The following BTBD7 variants were observed in gnomAD, a reference collection of about 807,000 sequenced individuals.
BTBD7 encodes the protein BTB/POZ domain-containing protein 7.
BTBD7 carries 38 observed loss-of-function variants against 99.9 expected under a neutral mutation model. The observed-to-expected ratio is 0.38, with a 90% CI of 0.29 to 0.50. BTBD7 has a LOEUF of 0.50. Among genes scored for constraint, BTBD7 ranks in the 20% least tolerant of loss-of-function variants. BTBD7 has a pLI of 0.93. For missense variants in BTBD7, 1,170 were observed against 1,394.6 expected, an observed-to-expected ratio of 0.84 and a Z score of 2.57; for synonymous variants, 520 against 511.4, an observed-to-expected ratio of 1.02 and a Z score of -0.23.
chr14:93,249,293 CTG>C (rs1244544759), intron 8 of BTBD7, among the ~76,000 whole-genome samples: 1 of 77,884 alleles, frequency 1.3e-5, no homozygotes, highest in East Asian at 3.5e-4. Flanking sequence ...AAAAAAAAAG[CTG>C]TCTCAGCAGA....
chr14:93,317,456 A>C (rs2053220896), intron 1 of BTBD7, among the ~76,000 whole-genome samples: 1 of 151,472 alleles, frequency 6.6e-6, no homozygotes, highest in Non-Finnish European at 1.5e-5. Context: ...GCACTACAGC[A>C]CTCAGCCTCC....
chr14:93,302,011 G>C (rs2053010955), intron 1 of BTBD7, among the ~76,000 whole-genome samples: 1 of 152,212 alleles, frequency 6.6e-6, no homozygotes, highest in South Asian at 2.1e-4. Flanking sequence ...GCTGGGCAAA[G>C]CATGTGAGGG....
chr14:93,257,734 T>C (rs575176641), intron 5 of BTBD7, among the ~76,000 whole-genome samples: 18 of 152,258 alleles, frequency 1.2e-4, no homozygotes, highest in Non-Finnish European at 2.1e-4. Context: ...TTGTAGAGCA[T>C]ATGCCATTTC....
In BTBD7 at chr14:93,293,927, T is replaced by C; in HGVS notation, c.1093A>G (p.Thr365Ala). ...AGTTCCATGGCTTCTTCTGCCCTGG[T>C]CATGTTTGGCTTCCCTGCGACGAGA... ...QALVAGKPNMTRAEEAMELYH... is the reference protein window; with the variant it reads ...QALVAGKPNMARAEEAMELYH... Residue 365 changes from threonine to alanine, a missense_variant, in exon 3 of 11, where the codon ACC becomes GCC. Physicochemically the swap from Thr to Ala is moderately conservative, Grantham distance 58 (BLOSUM62 0). Transcript: ENST00000334746. The C allele has an allele frequency of 6.2e-7, 1 of 1,613,766 alleles. No individual in the cohort carries two copies. Among genetic ancestry groups the C allele is most frequent in the Non-Finnish European group, 8.5e-7 (1 of 1,179,850 alleles).
In BTBD7 at chr14:93,277,844, C is replaced by A. The variant is rs145620740; in HGVS notation, c.1163-13851G>T. Among the ~76,000 whole-genome samples the A allele has an allele frequency of 8.3e-3, 1,269 of 152,210 alleles. 10 individuals are homozygous for A. The highest frequency in any genetic ancestry group is 0.012 in the Non-Finnish European group (802 of 68,020). ...TGAAGAGAGCAGGGCAAGTCAAACA[C>A]CTATAATGAGAACAGAAACAGTGAC... On this transcript the variant is annotated intron_variant, in intron 3 of 10. Transcript: ENST00000334746.
chr14:93,308,557 G>A (rs1315367952), intron 1 of BTBD7, among the ~76,000 whole-genome samples: 1 of 152,088 alleles, frequency 6.6e-6, no homozygotes, highest in African/African-American at 2.4e-5. Context: ...GTACACCCAC[G>A]TTCATAGCAA....
intron 3 of BTBD7, among the ~76,000 whole-genome samples, chr14:93,293,150 A>G (rs1452497422): frequency 2.0e-5 from 3 of 152,212 alleles, no homozygotes; most frequent in African/African-American, 7.2e-5. Context: ...TCCAGCTCTG[A>G]AATGTTAAGA....
chr14:93,276,732 G>C (rs2052660038), intron 3 of BTBD7, among the ~76,000 whole-genome samples: 3 of 152,148 alleles, frequency 2.0e-5, no homozygotes, highest in Admixed American at 6.5e-5. Context: ...TATTCTTACA[G>C]CTTCTGACAA....
rs1434522988 is a variant in BTBD7 at position 93,237,727 on chromosome 14, G to A, written c.*4546C>T. 1 of 152,544 alleles carries A rather than the reference G, an allele frequency of 6.6e-6. No homozygotes were observed. Among genetic ancestry groups the A allele is most frequent in the Non-Finnish European group, 1.5e-5 (1 of 68,038 alleles). The allele number at this position is 152,544 out of a possible 1,614,324, so 9.4% of individuals were successfully genotyped here. On this transcript the variant is annotated 3_prime_UTR_variant, in exon 11 of 11. Coordinates refer to ENST00000334746, the MANE Select transcript of BTBD7 (RefSeq NM_001002860.4). ...TCACACAGACGAATTCAAGTTTGGAGGTACCTAAATAAAAATACTATATAT... is the reference window on the plus strand; with the variant it reads ...TCACACAGACGAATTCAAGTTTGGAAGTACCTAAATAAAAATACTATATAT...
rs1566833743 is a variant in BTBD7 at position 93,246,176 on chromosome 14, C to T, written c.2232G>A (p.Met744Ile). The T allele has an allele frequency of 1.2e-6, 2 of 1,613,664 alleles. No homozygotes were observed. Among genetic ancestry groups the T allele is most frequent in the Non-Finnish European group, 1.7e-6 (2 of 1,179,862 alleles). Reference protein sequence around the residue: ...RVNSTPPAETMFTDLDSFVAF... With the variant: ...RVNSTPPAETIFTDLDSFVAF... ...CCACAAAAGAGTCCAGATCTGTAAA[C>T]ATGGTTTCTGCAGGAGGTGTACTGT... The change falls in exon 10 of 11, where the codon ATG becomes ATA. Residue 744 changes from methionine (M) to isoleucine (I), a missense_variant. Met to Ile is a conservative substitution (Grantham distance 10). Coordinates refer to ENST00000334746, the MANE Select transcript of BTBD7 (RefSeq NM_001002860.4).
At chr14:93,260,559 T>G (rs1333763415) in intron 5 of BTBD7, among the ~76,000 whole-genome samples, 6 of 152,126 alleles carry the variant, frequency 3.9e-5, no homozygotes, top group African/African-American at 1.4e-4. Context: ...CAACATTTTT[T>G]TTTTTTTTTT....
In BTBD7 at chr14:93,245,965, C is replaced by T. The variant is rs559843145; in HGVS notation, c.2443G>A (p.Val815Ile). The T allele has an allele frequency of 2.5e-6, 4 of 1,614,138 alleles. No individual in the cohort carries two copies. The African/African-American group carries it at 5.3e-5, about 22-fold the overall frequency. The stretch of plus-strand genomic sequence containing the variant: ...GCAGCTTTCACACTCGGCAAGTAGA[C>T]TGGGGGAGGGCCAGCTTTAGGAGCT... ...RTAPKAGPPPVYLPSVKAAPP... is the reference protein window; with the variant it reads ...RTAPKAGPPPIYLPSVKAAPP... The change falls in exon 10 of 11, where the codon GTC becomes ATC. Residue 815 changes from valine (V) to isoleucine (I), a missense_variant. This residue lies in a region of BTBD7 where 495 missense variants were observed against 525.9 expected (regional missense o/e 0.94). Coordinates refer to ENST00000334746, the MANE Select transcript of BTBD7 (RefSeq NM_001002860.4).
chr14:93,317,059 G>A (rs1247627742), intron 1 of BTBD7, among the ~76,000 whole-genome samples: 1 of 152,196 alleles, frequency 6.6e-6, no homozygotes, highest in Non-Finnish European at 1.5e-5. Flanking sequence ...AAGAAAGAGT[G>A]CAGTGGTACG....
chr14:93,285,969 G>A (rs2139749743), intron 3 of BTBD7, among the ~76,000 whole-genome samples: 1 of 152,278 alleles, frequency 6.6e-6, no homozygotes, highest in African/African-American at 2.4e-5. Flanking sequence ...ACTAAGGAAG[G>A]CTGCAGGATG....
At chr14:93,332,266 A>G (rs996754248) in intron 1 of BTBD7, 1 of 152,282 alleles carries the variant, frequency 6.6e-6, no homozygotes. Context: ...CAACCTGTCA[A>G]AGCTCAATTC....
intron 3 of BTBD7, among the ~76,000 whole-genome samples, chr14:93,276,806 T>G (rs1490666310): frequency 6.6e-6 from 1 of 151,896 alleles, no homozygotes; most frequent in Non-Finnish European, 1.5e-5. Context: ...GGGAATAACT[T>G]TAGTAACTTA....
chr14:93,322,660 C>G (rs1417142061), intron 1 of BTBD7, among the ~76,000 whole-genome samples: 1 of 152,080 alleles, frequency 6.6e-6, no homozygotes, highest in Non-Finnish European at 1.5e-5. Flanking sequence ...AACTAAAGCA[C>G]AGAAAAGTTA....
At chr14:93,299,053 A>T (rs2052962755) in intron 1 of BTBD7, among the ~76,000 whole-genome samples, 1 of 152,176 alleles carries the variant, frequency 6.6e-6, no homozygotes. Context: ...GGGGACATTC[A>T]TATATCCTAC....
intron 1 of BTBD7, among the ~76,000 whole-genome samples, chr14:93,308,268 C>T (rs1282922899): frequency 2.9e-5 from 4 of 138,798 alleles, no homozygotes; most frequent in African/African-American, 8.5e-5. Context: ...GCCTAGGCGA[C>T]AGAGCCAGAC....
Sources: gnomAD v4.1 joint callset for allele counts (sites outside exome capture counted in the v4.1 genomes callset) on GRCh38, gnomAD v4.1.1 for gene constraint, gnomAD v4.1.1 regional missense constraint, MANE v1.5 for transcripts, NCBI Gene and HGNC (gene_info 2026-07-23, HGNC 2026-07-21) for gene names.